Variants in BICC1 observed in about 807,000 individuals in gnomAD.
BICC1 encodes the protein BicC family RNA binding protein 1, also known as protein bicaudal C homolog 1.
Under a neutral mutation model 111.0 loss-of-function variants are expected in BICC1, and 43 were observed. That is an observed-to-expected ratio of 0.39 (90% CI 0.30 to 0.50). BICC1 has a LOEUF of 0.50. Among genes scored for constraint, BICC1 ranks in the 20% least tolerant of loss-of-function variants. The pLI is 0.88. For synonymous variants in BICC1, 467 were observed against 434.4 expected, an observed-to-expected ratio of 1.07 and a Z score of -0.93; for missense variants, 1,091 against 1,203.2, an observed-to-expected ratio of 0.91 and a Z score of 1.38.
chr10:58,666,846 A>G (rs1190795754), intron 2 of BICC1, among the ~76,000 whole-genome samples: 3 of 152,090 alleles, frequency 2.0e-5, no homozygotes, highest in African/African-American at 7.2e-5. Context: ...TCTTAATTGA[A>G]TTATTTAGGA....
rs566709047 is a variant in BICC1, at chr10:58,680,987, T to C, written c.238-21087T>C. On this transcript the variant is annotated intron_variant, in intron 2 of 20. Transcript: ENST00000373886. ...CTAGCCATATGCAGAAAATTGAAACTGGACCCCTTCCTTACACCTTATGCA... is the reference window on the plus strand; with the variant it reads ...CTAGCCATATGCAGAAAATTGAAACCGGACCCCTTCCTTACACCTTATGCA... Among the ~76,000 whole-genome samples, 26 of 152,340 alleles carry C rather than the reference T, an allele frequency of 1.7e-4. 1 individual carries two copies. The highest frequency in any genetic ancestry group is 1.6e-3 in the Admixed American group (25 of 15,296).
At chr10:58,813,309 A>C (rs1160189178) in intron 17 of BICC1, among the ~76,000 whole-genome samples, 2 of 152,078 alleles carry the variant, frequency 1.3e-5, no homozygotes, top group Non-Finnish European at 2.9e-5. Flanking sequence ...CCAGGTATGT[A>C]ATTTGTTAGA....
At chr10:58,555,778 T>C (rs1412152745) in intron 1 of BICC1, among the ~76,000 whole-genome samples, 6 of 152,146 alleles carry the variant, frequency 3.9e-5, no homozygotes, top group South Asian at 2.1e-4. Context: ...TGAACAAATA[T>C]AGTGACTTCA....
rs1173422063 is a variant in BICC1, at chr10:58,659,532, T to C, written c.237+38631T>C. Reference sequence around the variant, plus strand: ...TCACTTATAAGTGGGAGCTAAACTTTGAGTACACATGGATGCGGCCTAACT... The same window carrying C: ...TCACTTATAAGTGGGAGCTAAACTTCGAGTACACATGGATGCGGCCTAACT... On this transcript the variant is annotated intron_variant, in intron 2 of 20. Transcript: ENST00000373886. Among the ~76,000 whole-genome samples, 3 of 152,224 alleles carry C rather than the reference T, an allele frequency of 2.0e-5. No individual in the cohort carries two copies. In the East Asian group the frequency reaches 5.8e-4, roughly 29 times the overall value.
chr10:58,696,080 C>T (rs933550295), intron 2 of BICC1, among the ~76,000 whole-genome samples: 1 of 152,048 alleles, frequency 6.6e-6, no homozygotes, highest in African/African-American at 2.4e-5. Context: ...CCTTCCCTTC[C>T]TATCTCTACC....
intron 3 of BICC1, among the ~76,000 whole-genome samples, chr10:58,705,472 TAAATGTTGGATA>T (rs1266800042): frequency 1.3e-5 from 2 of 152,244 alleles, no homozygotes; most frequent in Non-Finnish European, 2.9e-5. Flanking sequence ...GTGCCTGTGC[TAAATGTTGGATA>T]AAAGACCATC....
chr10:58,528,415 T>G (rs960168456), intron 1 of BICC1, among the ~76,000 whole-genome samples: 1 of 151,968 alleles, frequency 6.6e-6, no homozygotes, highest in Non-Finnish European at 1.5e-5. Context: ...ATTAGTTTTA[T>G]AAATCGAAAT....
intron 2 of BICC1, among the ~76,000 whole-genome samples, 153 bp from the exon 3 acceptor site, chr10:58,701,921 G>T (rs1267415342): frequency 6.6e-6 from 1 of 151,758 alleles, no homozygotes; most frequent in African/African-American, 2.4e-5. Context: ...TTCCCCCCAG[G>T]GTTTTTTTTT....
intron 6 of BICC1, among the ~76,000 whole-genome samples, chr10:58,788,671 G>C (rs1564613928): frequency 6.6e-6 from 1 of 152,054 alleles, no homozygotes; most frequent in African/African-American, 2.4e-5. Flanking sequence ...AGATGTTCTG[G>C]ATTTTATCTG....
chr10:58,704,536 A>G (rs1162321676), intron 3 of BICC1, among the ~76,000 whole-genome samples: 1 of 152,210 alleles, frequency 6.6e-6, no homozygotes, highest in Non-Finnish European at 1.5e-5. Context: ...TGAAATGAAA[A>G]TGGCAGGAAG....
chr10:58,803,579 ATAGTCT>A (rs1843621128), intron 15 of BICC1, among the ~76,000 whole-genome samples: 1 of 152,152 alleles, frequency 6.6e-6, no homozygotes, highest in Non-Finnish European at 1.5e-5. Context: ...GCTTCATGAC[ATAGTCT>A]TGGATAAATA....
chr10:58,709,370 C>T (rs2132477942), intron 3 of BICC1, among the ~76,000 whole-genome samples: 2 of 152,332 alleles, frequency 1.3e-5, no homozygotes, highest in South Asian at 4.1e-4. Context: ...GTAAAACTTT[C>T]ATATGCGTCT....
chr10:58,806,903 T>C lies in BICC1; in HGVS notation c.2222-101T>C. ...TGTGTTAAGAAATAACATTCAGTGA[T>C]AATTTCTTCACATATATCAAAGAAA... On this transcript the variant is annotated intron_variant, in intron 16 of 20. Transcript: ENST00000373886. 7 of 1,058,590 alleles carry C rather than the reference T, an allele frequency of 6.6e-6. No individual in the cohort carries two copies. The South Asian group carries it at 1.2e-4, about 18-fold the overall frequency. 65.6% of individuals were successfully genotyped at this position (1,058,590 alleles called of 1,614,324 possible).
Position 58,677,396 on chromosome 10 carries a change from C to T in BICC1, c.238-24678C>T, listed in dbSNP as rs932970479. Among the ~76,000 whole-genome samples, 7 of 152,212 alleles carry T rather than the reference C, an allele frequency of 4.6e-5. 1 individual carries two copies. The highest frequency in any genetic ancestry group is 3.9e-4 in the Admixed American group (6 of 15,292). ...GCTGAAGAACACAGCACAAGAACTT[C>T]GCGAAGCATATACAAGTATCAAGAA... On this transcript the variant is annotated intron_variant, in intron 2 of 20. Coordinates refer to ENST00000373886, the MANE Select transcript of BICC1 (RefSeq NM_001080512.3).
At position 58,579,330 on chromosome 10, in the gene BICC1, C is replaced by T. The variant is rs1315668844; in HGVS notation, c.191-41525C>T. 5.3e-5 allele frequency among the ~76,000 whole-genome samples: 8 copies of T among 152,176 alleles called. No homozygotes were observed. In the South Asian group the frequency reaches 6.2e-4, roughly 12 times the overall value. On this transcript the variant is annotated intron_variant, in intron 1 of 20. Transcript: ENST00000373886. The stretch of plus-strand genomic sequence containing the variant: ...CTTTATTTTTGGGTTATGCTGCTTA[C>T]GTAAGTAAAATTAAATATAAGTAAT...
At chr10:58,689,714 C>T (rs568625915) in intron 2 of BICC1, among the ~76,000 whole-genome samples, 1 of 152,296 alleles carries the variant, frequency 6.6e-6, no homozygotes, top group East Asian at 1.9e-4. Context: ...ACATTCAGTC[C>T]ACTGATTCCC....
intron 20 of BICC1, among the ~76,000 whole-genome samples, chr10:58,826,769 GAAGA>G (rs980301346): frequency 7.2e-5 from 11 of 152,058 alleles, no homozygotes; most frequent in African/African-American, 2.7e-4. Flanking sequence ...AAAGAAAAAA[GAAGA>G]AAGAGAAACA....
intron 3 of BICC1, among the ~76,000 whole-genome samples, chr10:58,718,742 A>ATATGTG (rs1554824845): frequency 4.7e-5 from 7 of 148,448 alleles, no homozygotes; most frequent in Non-Finnish European, 1.0e-4. Flanking sequence ...TAGCATGGAA[A>ATATGTG]TGTGTGTGTG....
At chr10:58,740,505 T>A (rs2132601360) in intron 3 of BICC1, among the ~76,000 whole-genome samples, 1 of 152,306 alleles carries the variant, frequency 6.6e-6, no homozygotes. Flanking sequence ...TTGGGGCTTT[T>A]GTTTCCATAT....
Sources: allele counts gnomAD v4.1 joint callset (sites outside exome capture counted in the v4.1 genomes callset), GRCh38; gene constraint gnomAD v4.1.1; transcripts MANE v1.5; gene names NCBI Gene and HGNC (gene_info 2026-07-23, HGNC 2026-07-21).